SLCO1A2: variants seen among roughly 807,000 people sequenced by gnomAD.
SLCO1A2 encodes the protein OATP-1.
SLCO1A2 carries 67 observed loss-of-function variants against 69.0 expected under a neutral mutation model. That is an observed-to-expected ratio of 0.97 (90% CI 0.80 to 1.19). The LOEUF is 1.19. Among genes scored for constraint, SLCO1A2 ranks in the 50% most tolerant of loss-of-function variants. The pLI, the probability that SLCO1A2 is intolerant of heterozygous loss-of-function variation, is 0.00. For synonymous variants in SLCO1A2, 260 were observed against 265.9 expected (o/e 0.98, Z 0.22); for missense variants, 787 against 793.7 (o/e 0.99, Z 0.10).
At chr12:21,277,070 G>T (rs1217780022) in intron 12 of SLCO1A2, among the ~76,000 whole-genome samples, 1 of 152,196 alleles carries the variant, frequency 6.6e-6, no homozygotes, top group Non-Finnish European at 1.5e-5. Flanking sequence ...GGGAAGCTAA[G>T]GAAGTGCTTG....
rs11046011 is a variant in SLCO1A2 at position 21,389,138 on chromosome 12, G to A, written c.-190+5768C>T. The stretch of plus-strand genomic sequence containing the variant: ...TACCTTACAACCAAATATGAGTTAG[G>A]GTCACTGTGACCAGTAATCTGAGGT... On this transcript the variant is annotated intron_variant, in intron 1 of 15. Coordinates refer to the SLCO1A2 transcript ENST00000307378. 4.6e-3 allele frequency among the ~76,000 whole-genome samples: 702 copies of A among 152,138 alleles called. 7 individuals carry two copies. Among genetic ancestry groups the A allele is most frequent in the African/African-American group, 0.016 (670 of 41,504 alleles).
At chr12:21,319,292 A>C (rs940782275) in intron 2 of SLCO1A2, 200 of 1,290,648 alleles carry the variant, frequency 1.5e-4, no homozygotes, top group Non-Finnish European at 1.9e-4. Flanking sequence ...AAAAGAAAGA[A>C]TGCAGAATTA....
rs1447900422 is a variant in SLCO1A2 at position 21,295,731 on chromosome 12, C to T, written c.1137G>A (p.Lys379=). 23 of 1,605,874 alleles carry T rather than the reference C, an allele frequency of 1.4e-5. No homozygotes were observed. Among genetic ancestry groups the T allele is most frequent in the Non-Finnish European group, 2.0e-5 (23 of 1,172,734 alleles). ...CAGCTTGTTTGACAGTAATCTTGAA[C>T]TTCTTCATAATTAAACCACCAATTA... ...GYIIGGLIMK[K]FKITVKQAAH... The change falls in exon 10 of 15, where the codon AAG becomes AAA. Residue 379 remains lysine (K), a synonymous_variant. Transcript: ENST00000683939.
At chr12:21,401,367 A>T (rs562076656) in intron 1 of SLCO1A2, among the ~76,000 whole-genome samples, 1 of 151,900 alleles carries the variant, frequency 6.6e-6, no homozygotes, top group African/African-American at 2.4e-5. Flanking sequence ...ATAACAATCG[A>T]ACAATAAAGT....
At chr12:21,368,032 T>C (rs1474335787) in intron 2 of SLCO1A2, among the ~76,000 whole-genome samples, 2 of 152,076 alleles carry the variant, frequency 1.3e-5, no homozygotes, top group Non-Finnish European at 2.9e-5. Flanking sequence ...TTCAGGCAAT[T>C]ATCAGCAAAG....
intron 1 of SLCO1A2, among the ~76,000 whole-genome samples, chr12:21,385,065 A>T (rs951763966): frequency 1.3e-5 from 2 of 152,142 alleles, no homozygotes; most frequent in Non-Finnish European, 2.9e-5. Flanking sequence ...TCGCCCGGCC[A>T]GATTTTTTTT....
intron 2 of SLCO1A2, among the ~76,000 whole-genome samples, chr12:21,370,927 AG>A (rs1939739771): frequency 6.6e-6 from 1 of 152,210 alleles, no homozygotes; most frequent in African/African-American, 2.4e-5. Context: ...GAAAGAGTTC[AG>A]GGGCAAGTTG....
chr12:21,304,580 T>TAA lies in SLCO1A2; in HGVS notation c.443-9_443-8dup. ...TTAACTTCCTTTGTACACTCTGCAT[T>TAA]AAAAAAAAAAGACATGACATTAGTG... is the stretch of plus-strand genomic sequence containing the variant. On this transcript the variant is annotated splice_polypyrimidine_tract_variant and splice_region_variant and intron_variant, in intron 5 of 14. Coordinates refer to ENST00000683939, the MANE Select transcript of SLCO1A2 (RefSeq NM_001386879.1). The TAA allele has an allele frequency of 3.3e-5, 45 of 1,362,664 alleles. No individual in the cohort carries two copies. Among genetic ancestry groups the TAA allele is most frequent in the South Asian group, 8.2e-5 (6 of 72,926 alleles). The allele number at this position is 1,362,664 out of a possible 1,614,324, so 84.4% of individuals were successfully genotyped here.
intron 6 of SLCO1A2, among the ~76,000 whole-genome samples, chr12:21,302,396 T>C (rs867677559): frequency 6.6e-6 from 1 of 152,336 alleles, no homozygotes; most frequent in Admixed American, 6.5e-5. Flanking sequence ...TATTGTTTCA[T>C]TGTGTTCTTA....
intron 12 of SLCO1A2, among the ~76,000 whole-genome samples, chr12:21,280,168 G>A (rs1411206876): frequency 6.6e-6 from 1 of 151,466 alleles, no homozygotes; most frequent in African/African-American, 2.4e-5. Flanking sequence ...TTCACTGAAA[G>A]GAAGAAAAAA....
At chr12:21,365,578 A>T (rs1222454026) in intron 2 of SLCO1A2, among the ~76,000 whole-genome samples, 2 of 152,248 alleles carry the variant, frequency 1.3e-5, no homozygotes, top group Non-Finnish European at 2.9e-5. Flanking sequence ...GCTTCTGCAC[A>T]TCAAAAGAAA....
chr12:21,362,139 C>A (rs1326246923), intron 2 of SLCO1A2, among the ~76,000 whole-genome samples: 3 of 152,028 alleles, frequency 2.0e-5, no homozygotes, highest in Non-Finnish European at 4.4e-5. Flanking sequence ...TAAGGGCAGC[C>A]AGAGAGAAAG....
intron 2 of SLCO1A2, chr12:21,319,518 A>G (rs1322567176): frequency 1.0e-5 from 13 of 1,305,080 alleles, no homozygotes; most frequent in Middle Eastern, 2.1e-4. Flanking sequence ...CCTTGAGCTC[A>G]GCAATCCCAG....
At chr12:21,316,054 C>A (rs975854739) in intron 3 of SLCO1A2, among the ~76,000 whole-genome samples, 1 of 152,182 alleles carries the variant, frequency 6.6e-6, no homozygotes, top group Non-Finnish European at 1.5e-5. Context: ...CTCAAGCTAC[C>A]TATCACCACC....
rs543025130 is a variant in SLCO1A2, at chr12:21,292,020, C to A, written c.1610+144G>T. 9.9e-4 allele frequency: 495 copies of A among 501,066 alleles called. 3 individuals are homozygous for A. The highest frequency in any genetic ancestry group is 7.9e-3 in the African/African-American group (410 of 52,122). 31.0% of individuals were successfully genotyped at this position (501,066 alleles called of 1,614,324 possible). A position where few individuals can be genotyped will look rare whatever the true frequency, so the allele number is the denominator to read the frequency against. On this transcript the variant is annotated intron_variant, in intron 12 of 14. Transcript: ENST00000683939. ...GCTAACTTTAAAATTTTGTGAAATC[C>A]AACAATGCTTAATACAAAACCCTTA...
intron 12 of SLCO1A2, among the ~76,000 whole-genome samples, chr12:21,286,378 G>A (rs1945795301): frequency 7.2e-6 from 1 of 138,618 alleles, no homozygotes; most frequent in South Asian, 2.6e-4. Flanking sequence ...ACAAATGGAA[G>A]AACATTCCAT....
intron 12 of SLCO1A2, among the ~76,000 whole-genome samples, chr12:21,287,866 TG>T (rs1206056484): frequency 2.0e-5 from 1 of 50,030 alleles, no homozygotes; most frequent in Non-Finnish European, 3.5e-5. Flanking sequence ...TGTGGTGGGG[TG>T]GGGGGAGGGG....
At chr12:21,283,594 C>T (rs1481115226) in intron 12 of SLCO1A2, among the ~76,000 whole-genome samples, 5 of 151,980 alleles carry the variant, frequency 3.3e-5, no homozygotes, top group Admixed American at 3.3e-4. Context: ...AGTTAAGAAG[C>T]TTCTGCACAG....
At chr12:21,398,876 A>G (rs1288667942), upstream of SLCO1A2, among the ~76,000 whole-genome samples, 1 of 149,574 alleles carries the variant, frequency 6.7e-6, no homozygotes, top group Non-Finnish European at 1.5e-5. Context: ...GATGTATTTC[A>G]AAATAATAAG....
Sources: gnomAD v4.1 joint callset for allele counts (sites outside exome capture counted in the v4.1 genomes callset) on GRCh38, gnomAD v4.1.1 for gene constraint, MANE v1.5 for transcripts, NCBI Gene and HGNC (gene_info 2026-07-23, HGNC 2026-07-21) for gene names.